The following PDSS1 variants were observed in gnomAD, a reference collection of about 807,000 sequenced individuals.
PDSS1 encodes the protein all trans-polyprenyl-diphosphate synthase PDSS1.
PDSS1 carries 43 observed loss-of-function variants against 57.5 expected under a neutral mutation model. The observed-to-expected ratio is 0.75, with a 90% CI of 0.59 to 0.96. The LOEUF is 0.96. Among genes scored for constraint, PDSS1 ranks in the 50% least tolerant of loss-of-function variants. The probability of loss-of-function intolerance (pLI) is 0.00; values close to 1 mark genes in which losing one functional copy is unlikely to be tolerated. For missense variants in PDSS1, 438 were observed against 527.8 expected, an observed-to-expected ratio of 0.83 and a Z score of 1.67; for synonymous variants, 175 against 191.3, an observed-to-expected ratio of 0.91 and a Z score of 0.70.
At chr10:26,733,433 C>T (rs1317947511) in intron 8 of PDSS1, among the ~76,000 whole-genome samples, 5 of 152,154 alleles carry the variant, frequency 3.3e-5, no homozygotes, top group Non-Finnish European at 5.9e-5. Flanking sequence ...AAGGTGGTTG[C>T]TGTTGAAAGC....
chr10:26,741,506 A>C (rs893891210), intron 10 of PDSS1, among the ~76,000 whole-genome samples: 1 of 151,902 alleles, frequency 6.6e-6, no homozygotes, highest in Non-Finnish European at 1.5e-5. Context: ...GAAAAACAAC[A>C]AAAAAACAAA....
chr10:26,737,398 G>A (rs962486581), intron 10 of PDSS1, among the ~76,000 whole-genome samples: 1 of 152,120 alleles, frequency 6.6e-6, no homozygotes, highest in African/African-American at 2.4e-5. Flanking sequence ...GGGGAAAGGG[G>A]AAATGGACCT....
intron 6 of PDSS1, among the ~76,000 whole-genome samples, chr10:26,722,581 G>A (rs1835823340): frequency 1.3e-5 from 2 of 152,022 alleles, no homozygotes; most frequent in South Asian, 4.2e-4. Flanking sequence ...GTGTACGCTT[G>A]TAGTCCCAGC....
chr10:26,725,002 G>A (rs921878514), intron 8 of PDSS1, among the ~76,000 whole-genome samples: 9 of 151,788 alleles, frequency 5.9e-5, no homozygotes, highest in South Asian at 2.1e-4. Context: ...CCCTCCCTCC[G>A]CTGTGCATAC....
intron 9 of PDSS1, 22 bp from the exon 10 acceptor site, chr10:26,735,444 A>T: frequency 6.6e-7 from 1 of 1,516,898 alleles, no homozygotes; most frequent in Non-Finnish European, 9.2e-7. Context: ...TGCTCCTTAC[A>T]TCCCATTTTT....
chr10:26,712,858 C>T lies in PDSS1; in HGVS notation c.467+3090C>T, dbSNP rs1418839904. Among the ~76,000 whole-genome samples the T allele has an allele frequency of 7.1e-5, 7 of 98,532 alleles. 3 individuals are homozygous for T. Among genetic ancestry groups the T allele is most frequent in the Admixed American group, 3.7e-4 (3 of 8,194 alleles). The allele number at this position is 98,532 out of a possible 152,430, so 64.6% of individuals were successfully genotyped here. On this transcript the variant is annotated intron_variant, in intron 5 of 11. Transcript: ENST00000376215. ...TGAACCTGACATTGAACCTGACAGG[C>T]TTGCTTGTTGGTGATGTCATAATGG...
At chr10:26,701,656 A>G (rs1748351) in intron 1 of PDSS1, among the ~76,000 whole-genome samples, 93,941 of 152,106 alleles carry the variant, frequency 0.62, 30,000 homozygotes, top group East Asian at 0.81. Context: ...TCAATGCCCA[A>G]GCAGAAGTCT....
At chr10:26,702,527 G>A (rs1162864717) in intron 2 of PDSS1, among the ~76,000 whole-genome samples, 3 of 152,152 alleles carry the variant, frequency 2.0e-5, no homozygotes, top group African/African-American at 7.2e-5. Context: ...GCTGCCTAGT[G>A]AAGAAGGTGC....
chr10:26,740,465 T>C (rs764821157), intron 10 of PDSS1, among the ~76,000 whole-genome samples: 1 of 152,242 alleles, frequency 6.6e-6, no homozygotes, highest in African/African-American at 2.4e-5. Flanking sequence ...ATAAATTCTG[T>C]AAACACATTA....
chr10:26,703,500 G>GA (rs1294706336), intron 2 of PDSS1, among the ~76,000 whole-genome samples: 33 of 152,060 alleles, frequency 2.2e-4, no homozygotes, highest in Non-Finnish European at 1.5e-5. Context: ...TCTTACTGAA[G>GA]AAGTTTTACT....
intron 5 of PDSS1, among the ~76,000 whole-genome samples, chr10:26,710,702 T>C (rs1309262415): frequency 1.0e-5 from 1 of 98,310 alleles, no homozygotes; most frequent in East Asian, 2.5e-4. Flanking sequence ...CTGAGCTCTG[T>C]TGCAAGTTAG....
Position 26,711,442 on chromosome 10 carries a change from C to A in PDSS1, c.467+1674C>A, listed in dbSNP as rs1457652454. On this transcript the variant is annotated intron_variant, in intron 5 of 11. Transcript: ENST00000376215. ...GCCTTGTCCAGTACATATTGCCATG[C>A]CCAGGTCTGGCTGCCACTTTAGCTG... 2.0e-5 allele frequency among the ~76,000 whole-genome samples: 2 copies of A among 99,432 alleles called. 1 individual carries two copies. Among genetic ancestry groups the A allele is most frequent in the Non-Finnish European group, 4.7e-5 (2 of 42,782 alleles). 65.2% of individuals were successfully genotyped at this position (99,432 alleles called of 152,430 possible). A position where few individuals can be genotyped will look rare whatever the true frequency, so the allele number is the denominator to read the frequency against.
chr10:26,723,990 A>C (rs779208796), intron 7 of PDSS1, 24 bp from the exon 8 acceptor site: 125 of 1,602,460 alleles, frequency 7.8e-5, no homozygotes, highest in Non-Finnish European at 1.0e-4. Flanking sequence ...CCACCTCTCA[A>C]ATGACTCCTT....
chr10:26,699,241 G>A (rs1834969060), intron 1 of PDSS1, among the ~76,000 whole-genome samples: 1 of 152,132 alleles, frequency 6.6e-6, no homozygotes, highest in African/African-American at 2.4e-5. Context: ...GCATGTGGGA[G>A]AAGAGGCTTA....
At chr10:26,724,391 C>T (rs900517251) in intron 8 of PDSS1, among the ~76,000 whole-genome samples, 4 of 152,178 alleles carry the variant, frequency 2.6e-5, no homozygotes, top group Non-Finnish European at 5.9e-5. Flanking sequence ...CTTCCCCAAT[C>T]TGATTGCCAA....
At chr10:26,732,586 T>C (rs1056466508) in intron 8 of PDSS1, among the ~76,000 whole-genome samples, 49 of 152,160 alleles carry the variant, frequency 3.2e-4, no homozygotes, top group African/African-American at 1.2e-3. Context: ...GGTTCCAGCG[T>C]GTTGGAGCCA....
chr10:26,723,023 G>A (rs562139421), intron 6 of PDSS1, among the ~76,000 whole-genome samples: 2 of 152,130 alleles, frequency 1.3e-5, no homozygotes, highest in East Asian at 1.9e-4. Flanking sequence ...ATGCTCTGGG[G>A]TGTGCTCAGT....
At chr10:26,720,423 G>C in intron 6 of PDSS1, 64 bp downstream of exon 6, 1 of 1,085,374 alleles carries the variant, frequency 9.2e-7, no homozygotes, top group Non-Finnish European at 1.4e-6. Flanking sequence ...GACCGCATTT[G>C]TTTCTCAGAT....
intron 11 of PDSS1, among the ~76,000 whole-genome samples, chr10:26,744,470 A>G (rs550395161): frequency 6.6e-6 from 1 of 152,158 alleles, no homozygotes; most frequent in South Asian, 2.1e-4. Flanking sequence ...GGCTCACTGC[A>G]ACCTCCGCCT....
Sources: allele counts gnomAD v4.1 joint callset (sites outside exome capture counted in the v4.1 genomes callset), GRCh38; gene constraint gnomAD v4.1.1; transcripts MANE v1.5; gene names NCBI Gene and HGNC (gene_info 2026-07-23, HGNC 2026-07-21).